The following LIPA variants were observed in gnomAD, a reference collection of about 807,000 sequenced individuals.
LIPA encodes lipase A, lysosomal acid type, also known as lysosomal acid lipase/cholesteryl ester hydrolase.
LIPA carries 26 observed loss-of-function variants against 40.6 expected under a neutral mutation model. The observed-to-expected ratio is 0.64, with a 90% CI of 0.47 to 0.89. The LOEUF (loss-of-function observed/expected upper bound fraction) is 0.89. Ranked by LOEUF, LIPA falls within the 40% of genes least tolerant of loss-of-function variation. The pLI is 0.00. For missense variants in LIPA, 455 were observed against 479.6 expected, an observed-to-expected ratio of 0.95 and a Z score of 0.48; for synonymous variants, 188 against 168.4, an observed-to-expected ratio of 1.12 and a Z score of -0.90.
At chr10:89,336,353 A>T (rs986150846) in intron 1 of LIPA, among the ~76,000 whole-genome samples, 1 of 152,180 alleles carries the variant, frequency 6.6e-6, no homozygotes, top group African/African-American at 2.4e-5. Flanking sequence ...GCACACACAT[A>T]AAGAGGCTAG....
intron 1 of LIPA, among the ~76,000 whole-genome samples, chr10:89,283,180 G>T (rs1843325091): frequency 6.6e-6 from 1 of 152,094 alleles, no homozygotes; most frequent in African/African-American, 2.4e-5. Flanking sequence ...TCACAGTTTT[G>T]GCCAATCAAA....
At chr10:89,388,224 G>A (rs1253478323) in intron 2 of LIPA, among the ~76,000 whole-genome samples, 4 of 152,118 alleles carry the variant, frequency 2.6e-5, no homozygotes, top group South Asian at 4.2e-4. Context: ...TCCTGCCTCC[G>A]CCTCCTGAGT....
At chr10:89,391,553 C>T (rs888854721) in intron 2 of LIPA, among the ~76,000 whole-genome samples, 2 of 152,042 alleles carry the variant, frequency 1.3e-5, no homozygotes, top group Admixed American at 6.5e-5. Flanking sequence ...TTTTTTTAGA[C>T]GGAGTCTCGC....
chr10:89,225,307 C>A (rs558298682), intron 5 of LIPA, 79 bp from the exon 6 acceptor site: 10 of 1,565,132 alleles, frequency 6.4e-6, no homozygotes, highest in Non-Finnish European at 8.8e-6. Context: ...CCGTCACTCG[C>A]GACGCCCTCT....
At chr10:89,338,049 G>A (rs184919499) in intron 1 of LIPA, 2 of 152,436 alleles carry the variant, frequency 1.3e-5, no homozygotes, top group East Asian at 3.9e-4. Flanking sequence ...ATTTAAGCTA[G>A]GCTAAGCTAT....
intron 5 of LIPA, among the ~76,000 whole-genome samples, chr10:89,226,264 G>T (rs1220775081): frequency 6.6e-6 from 1 of 152,102 alleles, no homozygotes; most frequent in Non-Finnish European, 1.5e-5. Context: ...CTCCTTCTAG[G>T]AATATATTGT....
chr10:89,334,874 TTAAC>T (rs1264106354), intron 1 of LIPA, among the ~76,000 whole-genome samples: 5 of 152,314 alleles, frequency 3.3e-5, no homozygotes, highest in Admixed American at 1.3e-4. Flanking sequence ...TTAATTACTG[TTAAC>T]TAACTTATTT....
chr10:89,219,669 C>A (rs936401587), intron 8 of LIPA, among the ~76,000 whole-genome samples: 1 of 152,348 alleles, frequency 6.6e-6, no homozygotes, highest in East Asian at 1.9e-4. Context: ...GGCATCCAGG[C>A]CTGCCCAGCT....
At chr10:89,268,484 A>G (rs961518727) in intron 1 of LIPA, among the ~76,000 whole-genome samples, 1 of 152,182 alleles carries the variant, frequency 6.6e-6, no homozygotes, top group Admixed American at 6.5e-5. Flanking sequence ...ATGTAGGTTC[A>G]ATATAGTTAC....
chr10:89,223,807 A>G lies in LIPA; in HGVS notation c.699T>C (p.Phe233=), dbSNP rs1842732737. The G allele has an allele frequency of 6.2e-7, 1 of 1,614,176 alleles. No individual in the cohort carries two copies. Among genetic ancestry groups the G allele is most frequent in the South Asian group, 1.1e-5 (1 of 91,082 alleles). ...LIKDLFGDKE[F]LPQSAFLKWL... ...ACTTCAAAAACGCACTCTGGGGAAGAAATTCTTTGTCTCCAAATAAGTCCT... is the reference window on the plus strand; with the variant it reads ...ACTTCAAAAACGCACTCTGGGGAAGGAATTCTTTGTCTCCAAATAAGTCCT... The change falls in exon 7 of 10, where the codon TTT becomes TTC. Residue 233 remains phenylalanine, a synonymous_variant. Transcript: ENST00000336233.
At chr10:89,413,790 C>T (rs980327959) in intron 1 of LIPA, among the ~76,000 whole-genome samples, 7 of 142,438 alleles carry the variant, frequency 4.9e-5, no homozygotes, top group Non-Finnish European at 7.5e-5. Flanking sequence ...AAACCAAAAT[C>T]AATGCAAAAG....
At chr10:89,249,116 C>T (rs2250645) in intron 1 of LIPA, among the ~76,000 whole-genome samples, 38,495 of 151,898 alleles carry the variant, frequency 0.25, 5,543 homozygotes, top group South Asian at 0.41. Context: ...CCAAATTATA[C>T]GTCAGCATTT....
At chr10:89,379,677 CA>C (rs553381001) in intron 2 of LIPA, among the ~76,000 whole-genome samples, 3 of 151,940 alleles carry the variant, frequency 2.0e-5, no homozygotes, top group African/African-American at 7.3e-5. Context: ...TGAAGGATTG[CA>C]AAAAAATTCA....
rs371786671 is a variant in LIPA, at chr10:89,403,014, A to T, written c.61+9777T>A. On this transcript the variant is annotated intron_variant, in intron 2 of 8. Transcript: ENST00000371837. ...GTACATTGAAGAAGCTCTAGCCAAC[A>T]TGTCCTCACAGACCTATGTCTTTCG... The T allele has an allele frequency of 2.5e-6, 4 of 1,614,118 alleles. No homozygotes were observed. The African/African-American group carries it at 5.3e-5, about 22-fold the overall frequency.
chr10:89,322,683 A>C (rs1843578319), intron 1 of LIPA, among the ~76,000 whole-genome samples: 1 of 151,946 alleles, frequency 6.6e-6, no homozygotes, highest in Non-Finnish European at 1.5e-5. Flanking sequence ...GAAGACCAGC[A>C]CTGGTGCCAT....
At chr10:89,331,899 C>G (rs1843656319) in intron 1 of LIPA, among the ~76,000 whole-genome samples, 1 of 149,576 alleles carries the variant, frequency 6.7e-6, no homozygotes, top group South Asian at 2.1e-4. Flanking sequence ...TCAAAAGGGT[C>G]TCTATTTCCA....
chr10:89,383,025 T>C (rs1163607277), intron 2 of LIPA, among the ~76,000 whole-genome samples: 3 of 152,228 alleles, frequency 2.0e-5, no homozygotes, highest in African/African-American at 7.2e-5. Context: ...TTTTGCAGTG[T>C]TGAGGGTGGT....
chr10:89,383,818 G>C, intron 2 of LIPA: 1 of 1,614,204 alleles, frequency 6.2e-7, no homozygotes, highest in Non-Finnish European at 8.5e-7. Context: ...AAAGGCTCTG[G>C]AAGGGAACCC....
chr10:89,281,141 C>A (rs914291426), intron 1 of LIPA, among the ~76,000 whole-genome samples: 1 of 152,192 alleles, frequency 6.6e-6, no homozygotes, highest in South Asian at 2.1e-4. Flanking sequence ...CTTGACCAAA[C>A]TTTAGGCAGG....
Sources: allele counts gnomAD v4.1 joint callset (sites outside exome capture counted in the v4.1 genomes callset), GRCh38; gene constraint gnomAD v4.1.1; transcripts MANE v1.5; gene names NCBI Gene and HGNC (gene_info 2026-07-23, HGNC 2026-07-21).